The following XKR4 variants were observed in gnomAD, a reference collection of about 807,000 sequenced individuals.
XKR4 encodes XK-related protein 4.
XKR4 carries 12 observed loss-of-function variants against 53.9 expected under a neutral mutation model. That is an observed-to-expected ratio of 0.22 (90% CI 0.14 to 0.36). XKR4 has a LOEUF of 0.36. Among genes scored for constraint, XKR4 ranks in the 10% least tolerant of loss-of-function variants. The probability of loss-of-function intolerance (pLI) is 1.00; values close to 1 mark genes in which losing one functional copy is unlikely to be tolerated. For missense variants in XKR4, 799 were observed against 859.5 expected (o/e 0.93, Z 0.88); for synonymous variants, 354 against 362.4 (o/e 0.98, Z 0.26).
At chr8:55,439,461 A>T (rs950298430) in intron 2 of XKR4, among the ~76,000 whole-genome samples, 3 of 152,248 alleles carry the variant, frequency 2.0e-5, no homozygotes, top group African/African-American at 7.2e-5. Flanking sequence ...GATCTATTAG[A>T]TTCAAATATA....
At chr8:55,324,687 T>A (rs1011254660) in intron 1 of XKR4, among the ~76,000 whole-genome samples, 2 of 152,202 alleles carry the variant, frequency 1.3e-5, no homozygotes, top group African/African-American at 4.8e-5. Context: ...TGTGTTAGAA[T>A]GCAGTGTTCC....
intron 2 of XKR4, among the ~76,000 whole-genome samples, chr8:55,429,432 G>A (rs1210525078): frequency 1.3e-5 from 2 of 152,024 alleles, no homozygotes; most frequent in African/African-American, 4.8e-5. Flanking sequence ...TATTGAGGTC[G>A]GGTGCGGTGG....
At chr8:55,449,537 C>T (rs955314870) in intron 2 of XKR4, 5 of 1,477,280 alleles carry the variant, frequency 3.4e-6, no homozygotes, top group Middle Eastern at 1.7e-4. Flanking sequence ...GCTCTGGATC[C>T]GGTCCACCCA....
chr8:55,449,897 G>A lies in XKR4; in HGVS notation c.1007-73384G>A, dbSNP rs187703389. 5.8e-4 allele frequency: 521 copies of A among 897,318 alleles called. 2 individuals are homozygous for A. The African/African-American group carries it at 7.3e-3, about 13-fold the overall frequency. The allele number at this position is 897,318 out of a possible 1,614,324, so 55.6% of individuals were successfully genotyped here. On this transcript the variant is annotated intron_variant, in intron 2 of 2. Coordinates refer to ENST00000327381, the MANE Select transcript of XKR4 (RefSeq NM_052898.2). ...GTGCTGGTGCTGCCGCAGGCAGCCTGGCGGGAGCCAGATGCGGTCGAGCCT... is the reference window on the plus strand; with the variant it reads ...GTGCTGGTGCTGCCGCAGGCAGCCTAGCGGGAGCCAGATGCGGTCGAGCCT...
chr8:55,366,423 T>C (rs1021596141), intron 2 of XKR4, among the ~76,000 whole-genome samples: 1 of 152,208 alleles, frequency 6.6e-6, no homozygotes, highest in East Asian at 1.9e-4. Context: ...CTCTAGATCA[T>C]GGAGGTTGTG....
chr8:55,227,140 A>G (rs1817963807), intron 1 of XKR4, among the ~76,000 whole-genome samples: 1 of 152,190 alleles, frequency 6.6e-6, no homozygotes, highest in Non-Finnish European at 1.5e-5. Flanking sequence ...CGTTTAGCAC[A>G]TGCCATTGTG....
chr8:55,386,949 A>G (rs1804327646), intron 2 of XKR4, among the ~76,000 whole-genome samples: 1 of 152,338 alleles, frequency 6.6e-6, no homozygotes, highest in East Asian at 1.9e-4. Flanking sequence ...TATTAACAAT[A>G]CTATATGTTG....
chr8:55,218,405 T>C (rs925262402), intron 1 of XKR4, among the ~76,000 whole-genome samples: 1 of 152,252 alleles, frequency 6.6e-6, no homozygotes, highest in African/African-American at 2.4e-5. Flanking sequence ...CTAAATGCTC[T>C]AAAATTTAAG....
intron 2 of XKR4, among the ~76,000 whole-genome samples, chr8:55,437,024 C>T (rs1413584319): frequency 6.6e-6 from 1 of 152,124 alleles, no homozygotes; most frequent in Admixed American, 6.6e-5. Flanking sequence ...TTTGCCGTTC[C>T]TATTCAGAAT....
chr8:55,490,391 A>G (rs1806254217), intron 2 of XKR4, among the ~76,000 whole-genome samples: 1 of 152,194 alleles, frequency 6.6e-6, no homozygotes, highest in African/African-American at 2.4e-5. Context: ...ATGGGTGCTC[A>G]TGGACATAAT....
At position 55,536,320 on chromosome 8, in the gene XKR4, C is replaced by G. The variant is rs544620067; in HGVS notation, c.*12093C>G. On this transcript the variant is annotated 3_prime_UTR_variant, in exon 3 of 3. Transcript: ENST00000327381. ...GATAGCCCTCAAGCTCTGATTCTTC[C>G]TCCTGACTAAGTTTCTTTTCTTTGG... 1.3e-5 allele frequency: 2 copies of G among 152,330 alleles called. No homozygotes were observed. The highest frequency in any genetic ancestry group is 2.9e-5 in the Non-Finnish European group (2 of 68,038). The allele number at this position is 152,330 out of a possible 1,614,324, so 9.4% of individuals were successfully genotyped here. A position where few individuals can be genotyped will look rare whatever the true frequency, so the allele number is the denominator to read the frequency against.
At chr8:55,177,745 A>AT (rs1194116563) in intron 1 of XKR4, among the ~76,000 whole-genome samples, 1 of 152,124 alleles carries the variant, frequency 6.6e-6, no homozygotes, top group African/African-American at 2.4e-5. Flanking sequence ...AGAGGATTTG[A>AT]TTTTATAGCA....
Position 55,119,126 on chromosome 8 carries a change from G to A in XKR4, c.806+15832G>A, listed in dbSNP as rs539865069. ...TTCACTCTAAGCAGGCTCTGAGCAC[G>A]CACACGTTATTAAAATGTGCTCTCT... On this transcript the variant is annotated intron_variant, in intron 1 of 2. Transcript: ENST00000327381. 1.0e-3 allele frequency among the ~76,000 whole-genome samples: 157 copies of A among 152,240 alleles called. 1 individual carries two copies. Among genetic ancestry groups the A allele is most frequent in the African/African-American group, 3.5e-3 (146 of 41,548 alleles).
chr8:55,300,880 A>G (rs1482436330), intron 1 of XKR4, among the ~76,000 whole-genome samples: 1 of 152,184 alleles, frequency 6.6e-6, no homozygotes, highest in Non-Finnish European at 1.5e-5. Flanking sequence ...AAGGCTCTAC[A>G]CTATAAGGCT....
Position 55,534,043 on chromosome 8 carries a change from CAT to C in XKR4, c.*9817_*9818del, listed in dbSNP as rs1449269956. On this transcript the variant is annotated 3_prime_UTR_variant, in exon 3 of 3. Coordinates refer to ENST00000327381, the MANE Select transcript of XKR4 (RefSeq NM_052898.2). Reference sequence around the variant, plus strand: ...CTTGCTTTAAATGGATTCAAATCCACATGTTTGGAAATGAAAATAATGCACTG... The same window carrying C: ...CTTGCTTTAAATGGATTCAAATCCACGTTTGGAAATGAAAATAATGCACTG... The C allele has an allele frequency of 4.6e-5, 7 of 152,202 alleles. No homozygotes were observed. In the East Asian group the frequency reaches 5.9e-4, roughly 13 times the overall value. The allele number at this position is 152,202 out of a possible 1,614,324, so 9.4% of individuals were successfully genotyped here.
rs556160335 is a variant in XKR4 at position 55,373,360 on chromosome 8, T to C, written c.1006+15483T>C. On this transcript the variant is annotated intron_variant, in intron 2 of 2. Coordinates refer to ENST00000327381, the MANE Select transcript of XKR4 (RefSeq NM_052898.2). ...GTTTGTATTTTTAGTAGAGATGGGGTTTCACCATGTTGGCCAGGCTGGTCT... is the reference window on the plus strand; with the variant it reads ...GTTTGTATTTTTAGTAGAGATGGGGCTTCACCATGTTGGCCAGGCTGGTCT... Among the ~76,000 whole-genome samples the C allele has an allele frequency of 5.3e-5, 8 of 152,022 alleles. No individual in the cohort carries two copies. In the East Asian group the frequency reaches 1.5e-3, roughly 29 times the overall value.
intron 1 of XKR4, among the ~76,000 whole-genome samples, chr8:55,271,409 G>A (rs1818689348): frequency 6.6e-6 from 1 of 152,196 alleles, no homozygotes; most frequent in African/African-American, 2.4e-5. Context: ...TTAACTACTT[G>A]TTTTGTTTTG....
intron 2 of XKR4, among the ~76,000 whole-genome samples, chr8:55,407,795 T>C (rs1804709258): frequency 6.6e-6 from 1 of 152,250 alleles, no homozygotes; most frequent in Non-Finnish European, 1.5e-5. Flanking sequence ...GCAGTCTCAT[T>C]GAATTTTCTT....
At chr8:55,502,704 T>G (rs914726420) in intron 2 of XKR4, among the ~76,000 whole-genome samples, 3 of 152,214 alleles carry the variant, frequency 2.0e-5, no homozygotes, top group African/African-American at 7.2e-5. Flanking sequence ...TCCTTTGATG[T>G]ACAAAGATTT....
Sources: gnomAD v4.1 joint callset for allele counts (sites outside exome capture counted in the v4.1 genomes callset) on GRCh38, gnomAD v4.1.1 for gene constraint, MANE v1.5 for transcripts, NCBI Gene and HGNC (gene_info 2026-07-23, HGNC 2026-07-21) for gene names.